The following SYCP2L variants were observed in gnomAD, a reference collection of about 807,000 sequenced individuals.
The protein encoded by SYCP2L is synaptonemal complex protein 2-like.
Under a neutral mutation model 125.8 loss-of-function variants are expected in SYCP2L, and 98 were observed. The ratio of observed to expected loss-of-function variants is 0.78; its 90% CI spans 0.66 to 0.92. SYCP2L has a LOEUF of 0.92. Among genes scored for constraint, SYCP2L ranks in the 40% least tolerant of loss-of-function variants. The probability of loss-of-function intolerance (pLI) is 0.00; values close to 1 mark genes in which losing one functional copy is unlikely to be tolerated. For synonymous variants in SYCP2L, 317 were observed against 325.4 expected, an observed-to-expected ratio of 0.97 and a Z score of 0.28; for missense variants, 842 against 936.4, an observed-to-expected ratio of 0.90 and a Z score of 1.32.
At chr6:10,890,396 G>A (rs577042594) in intron 1 of SYCP2L, among the ~76,000 whole-genome samples, 1 of 152,162 alleles carries the variant, frequency 6.6e-6, no homozygotes, top group African/African-American at 2.4e-5. Context: ...CATTCTAACT[G>A]GGGTAAGATA....
intron 14 of SYCP2L, among the ~76,000 whole-genome samples, chr6:10,917,281 C>T (rs1461654189): frequency 6.6e-6 from 1 of 152,176 alleles, no homozygotes; most frequent in Non-Finnish European, 1.5e-5. Flanking sequence ...CTGTCTATCT[C>T]ATTTCTTAAG....
intron 23 of SYCP2L, among the ~76,000 whole-genome samples, chr6:10,943,302 A>G (rs1781255346): frequency 6.6e-6 from 1 of 152,176 alleles, no homozygotes; most frequent in South Asian, 2.1e-4. Context: ...CTCTACTTTT[A>G]AAATTACGTA....
At chr6:10,924,426 A>G (rs1780863264) in intron 14 of SYCP2L, 70 bp from the exon 15 acceptor site, 1 of 1,309,862 alleles carries the variant, frequency 7.6e-7, no homozygotes, top group Admixed American at 3.1e-5. Context: ...TAGTTATTTA[A>G]AATGATAAAA....
At chr6:10,888,900 C>T (rs28678301) in intron 1 of SYCP2L, among the ~76,000 whole-genome samples, 16,546 of 151,932 alleles carry the variant, frequency 0.11, 1,460 homozygotes, top group African/African-American at 0.24. Context: ...CTCACTCTGT[C>T]ACCCAGGCTG....
intron 23 of SYCP2L, among the ~76,000 whole-genome samples, chr6:10,952,404 C>T (rs9368497): frequency 0.2 from 30,346 of 151,978 alleles, 3,692 homozygotes; most frequent in Middle Eastern, 0.3. Flanking sequence ...TTCACAAATT[C>T]CGCATAATTC....
intron 18 of SYCP2L, 59 bp from the exon 19 acceptor site, chr6:10,930,311 T>C: frequency 6.5e-7 from 1 of 1,541,368 alleles, no homozygotes; most frequent in Admixed American, 2.1e-5. Context: ...TATGTTTAGT[T>C]ATACATAAGA....
In SYCP2L at chr6:10,900,896, T is replaced by A. The variant is rs147741069; in HGVS notation, c.467-1781T>A. ...AGTGACAGGTTTTCACATGTGGCCTTTGACAGTTGTCTTGTGCGAGCTTTA... is the reference window on the plus strand; with the variant it reads ...AGTGACAGGTTTTCACATGTGGCCTATGACAGTTGTCTTGTGCGAGCTTTA... On this transcript the variant is annotated intron_variant, in intron 6 of 29. Coordinates refer to ENST00000283141, the MANE Select transcript of SYCP2L (RefSeq NM_001040274.3). 3.2e-3 allele frequency among the ~76,000 whole-genome samples: 493 copies of A among 152,296 alleles called. 3 individuals are homozygous for A. Among genetic ancestry groups the A allele is most frequent in the African/African-American group, 0.012 (478 of 41,562 alleles).
chr6:10,946,013 TGTAAACA>T (rs1324203812), intron 23 of SYCP2L, among the ~76,000 whole-genome samples: 3 of 152,128 alleles, frequency 2.0e-5, no homozygotes, highest in African/African-American at 7.2e-5. Context: ...ATATATAACT[TGTAAACA>T]GCCTGTATTT....
chr6:10,942,554 A>C (rs946259425), intron 22 of SYCP2L, 25 bp downstream of exon 22: 2 of 1,592,360 alleles, frequency 1.3e-6, no homozygotes, highest in Admixed American at 3.6e-5. Flanking sequence ...TTGGTTATTC[A>C]TCTGATTTTC....
At chr6:10,937,821 T>C (rs1341171174) in intron 21 of SYCP2L, among the ~76,000 whole-genome samples, 3 of 151,180 alleles carry the variant, frequency 2.0e-5, no homozygotes, top group Admixed American at 6.6e-5. Context: ...CTAGAAGAAA[T>C]GGGTGAGTTT....
At chr6:10,900,052 G>T (rs1436894735) in intron 6 of SYCP2L, among the ~76,000 whole-genome samples, 2 of 152,216 alleles carry the variant, frequency 1.3e-5, no homozygotes, top group African/African-American at 4.8e-5. Context: ...TGCATTTATG[G>T]ATTCACATAA....
chr6:10,891,492 A>C, intron 1 of SYCP2L, 21 bp from the exon 2 acceptor site: 1 of 1,511,268 alleles, frequency 6.6e-7, no homozygotes, highest in Non-Finnish European at 9.0e-7. Flanking sequence ...TTGTTTAAAA[A>C]CATGTTTTTA....
chr6:10,918,079 C>CT (rs1344128381), intron 14 of SYCP2L, among the ~76,000 whole-genome samples: 1 of 151,478 alleles, frequency 6.6e-6, no homozygotes, highest in Non-Finnish European at 1.5e-5. Flanking sequence ...TCTCAAGATT[C>CT]TTTCCTTTGT....
At chr6:10,932,780 G>A (rs1046802810) in intron 20 of SYCP2L, among the ~76,000 whole-genome samples, 1 of 152,100 alleles carries the variant, frequency 6.6e-6, no homozygotes, top group African/African-American at 2.4e-5. Flanking sequence ...TTGAGACGGA[G>A]TCTTGCTCTG....
intron 18 of SYCP2L, 44 bp from the exon 19 acceptor site, chr6:10,930,326 C>G (rs1292442908): frequency 6.3e-7 from 1 of 1,587,682 alleles, no homozygotes; most frequent in Non-Finnish European, 8.5e-7. Flanking sequence ...ATAAGAGGCA[C>G]TAACACCCCT....
At position 10,913,967 on chromosome 6, in the gene SYCP2L, G is replaced by A. The variant is rs1780647929; in HGVS notation, c.1072+1040G>A. Reference sequence around the variant, plus strand: ...GTGCTTTGGCCTCCTGAGTTGCTGGGATGACAGGCATGTGCCACCATGCCT... The same window carrying A: ...GTGCTTTGGCCTCCTGAGTTGCTGGAATGACAGGCATGTGCCACCATGCCT... On this transcript the variant is annotated intron_variant, in intron 14 of 29. Transcript: ENST00000283141. Among the ~76,000 whole-genome samples the A allele has an allele frequency of 2.0e-5, 3 of 152,034 alleles. No individual in the cohort carries two copies. The South Asian group carries it at 6.2e-4, about 32-fold the overall frequency.
At chr6:10,926,094 G>A (rs1157622792) in intron 15 of SYCP2L, among the ~76,000 whole-genome samples, 3 of 152,186 alleles carry the variant, frequency 2.0e-5, no homozygotes, top group Admixed American at 6.5e-5. Context: ...GACAGGAGAG[G>A]CTGGGAAGAT....
At chr6:10,941,991 C>T (rs935250973) in intron 21 of SYCP2L, among the ~76,000 whole-genome samples, 6 of 151,950 alleles carry the variant, frequency 3.9e-5, no homozygotes, top group Admixed American at 6.6e-5. Context: ...ATGATGATTT[C>T]ATGTCCTTTG....
rs937595588 is a variant in SYCP2L, at chr6:10,935,261, T to A, written c.1813+74T>A. 30 of 1,461,038 alleles carry A rather than the reference T, an allele frequency of 2.1e-5. No individual in the cohort carries two copies. The Admixed American group carries it at 3.1e-4, about 15-fold the overall frequency. The allele number at this position is 1,461,038 out of a possible 1,614,324, so 90.5% of individuals were successfully genotyped here. A position where few individuals can be genotyped will look rare whatever the true frequency, so the allele number is the denominator to read the frequency against. ...AAGGTAGTTTGAAGTAAACAAAACA[T>A]TTTTATTTTAATATCTATTAAAGAA... On this transcript the variant is annotated intron_variant, in intron 21 of 29. Transcript: ENST00000283141.
Sources: gnomAD v4.1 joint callset for allele counts (sites outside exome capture counted in the v4.1 genomes callset) on GRCh38, gnomAD v4.1.1 for gene constraint, MANE v1.5 for transcripts, NCBI Gene and HGNC (gene_info 2026-07-23, HGNC 2026-07-21) for gene names.